Variants in PIEZO1 observed in about 807,000 individuals in gnomAD.
PIEZO1 encodes the protein piezo-type mechanosensitive ion channel component 1.
Under a neutral mutation model 297.2 loss-of-function variants are expected in PIEZO1, and 296 were observed. The observed-to-expected ratio is 1.00, with a 90% CI of 0.91 to 1.10. PIEZO1 has a LOEUF of 1.10. PIEZO1 is among the 50% of genes least tolerant of loss of function. The pLI is 0.00. For synonymous variants in PIEZO1, 2,427 were observed against 1,507.5 expected (o/e 1.61, Z -14.13); for missense variants, 5,018 against 3,455.5 (o/e 1.45, Z -11.34).
At chr16:88,753,941 G>A (rs1201358601) in intron 1 of PIEZO1, among the ~76,000 whole-genome samples, 6 of 152,224 alleles carry the variant, frequency 3.9e-5, no homozygotes, top group Admixed American at 3.9e-4. Flanking sequence ...GACAATCCAA[G>A]GAGCGGGGAC....
At position 88,725,648 on chromosome 16, in the gene PIEZO1, G is replaced by A; in HGVS notation, c.4005C>T (p.Ser1335=). The A allele has an allele frequency of 6.5e-7, 1 of 1,549,320 alleles. No individual in the cohort carries two copies. Among genetic ancestry groups the A allele is most frequent in the Non-Finnish European group, 8.7e-7 (1 of 1,145,806 alleles). ...CCTCTATCCTGCGGTGAAAGTCAAT[G>A]CTCTTGAGGTTGGCAGCGTTGTAGA... ...FALYNAANLK[S]IDFHRRIEEK... is the part of the protein sequence containing the mutation. Residue 1335 remains serine, a synonymous_variant, in exon 28 of 51, where the codon AGC becomes AGT. Coordinates refer to ENST00000301015, the MANE Select transcript of PIEZO1 (RefSeq NM_001142864.4).
chr16:88,717,148 T>C lies in PIEZO1; in HGVS notation c.6535A>G (p.Ile2179Val). The change falls in exon 45 of 51, where the codon ATC becomes GTC. Residue 2179 changes from isoleucine (I) to valine (V), a missense_variant. Ile to Val is a conservative substitution (Grantham distance 29). Transcript: ENST00000301015. ...ATGATGGCGATGAGGAAGAGGATGATGAGGCCACCCATGCCGTACTTGACG... is the reference window on the plus strand; with the variant it reads ...ATGATGGCGATGAGGAAGAGGATGACGAGGCCACCCATGCCGTACTTGACG... ...KIVKYGMGGL[I>V]ILFLIAIIWF... 6.4e-7 allele frequency: 1 copy of C among 1,551,314 alleles called. No individual in the cohort carries two copies. Among genetic ancestry groups the C allele is most frequent in the African/African-American group, 1.4e-5 (1 of 73,178 alleles).
rs1165274712 is a variant in PIEZO1 at position 88,737,569 on chromosome 16, C to G, written c.1185G>C (p.Leu395=). 6.5e-7 allele frequency: 1 copy of G among 1,533,370 alleles called. No individual in the cohort carries two copies. Among genetic ancestry groups the G allele is most frequent in the South Asian group, 1.2e-5 (1 of 83,982 alleles). The allele number at this position is 1,533,370 out of a possible 1,614,324, so 95.0% of individuals were successfully genotyped here. ...GTGTGCGGTACTCACCAGGCCGCCGCAGGACGGAGCTCTGGCCGGTCAGCT... is the reference window on the plus strand; with the variant it reads ...GTGTGCGGTACTCACCAGGCCGCCGGAGGACGGAGCTCTGGCCGGTCAGCT... ...VHELTGQSSV[L]RRPVRPKRAE... The change falls in exon 10 of 51, where the codon CTG becomes CTC. Residue 395 remains leucine, a synonymous_variant. Coordinates refer to ENST00000301015, the MANE Select transcript of PIEZO1 (RefSeq NM_001142864.4).
chr16:88,757,058 A>G (rs1224470437), intron 1 of PIEZO1, among the ~76,000 whole-genome samples: 1 of 152,184 alleles, frequency 6.6e-6, no homozygotes, highest in African/African-American at 2.4e-5. Flanking sequence ...CCTGGGCGAC[A>G]GAGCGAGACT....
chr16:88,732,996 A>C, intron 19 of PIEZO1: 2 of 581,104 alleles, frequency 3.4e-6, no homozygotes, highest in South Asian at 4.3e-5. Flanking sequence ...GAGATGCCTG[A>C]CTGTCTCTCC....
In PIEZO1 at chr16:88,719,298, C is replaced by CT. The variant is rs1912260000; in HGVS notation, c.6471+275dup. On this transcript the variant is annotated intron_variant, in intron 44 of 50. Coordinates refer to ENST00000301015, the MANE Select transcript of PIEZO1 (RefSeq NM_001142864.4). The stretch of plus-strand genomic sequence containing the variant: ...TAAACAAGAATGCAGCAAACAGTGG[C>CT]TGTCCGGTCCTCCCTGCACCAGGCC... 1.1e-5 allele frequency: 5 copies of CT among 435,634 alleles called. No individual in the cohort carries two copies. The East Asian group carries it at 2.0e-4, about 17-fold the overall frequency. 27.0% of individuals were successfully genotyped at this position (435,634 alleles called of 1,614,324 possible).
At chr16:88,728,098 G>A (rs1442489918) in intron 22 of PIEZO1, among the ~76,000 whole-genome samples, 3 of 152,274 alleles carry the variant, frequency 2.0e-5, no homozygotes, top group Admixed American at 6.5e-5. Flanking sequence ...CCATGCGACA[G>A]CCTAGACAGA....
rs1466413727 is a variant in PIEZO1 at position 88,719,676 on chromosome 16, G to C, written c.6369C>G (p.Asp2123Glu). 1 of 1,553,330 alleles carries C rather than the reference G, an allele frequency of 6.4e-7. No homozygotes were observed. Residue 2123 changes from aspartate (D) to glutamate (E), a missense_variant, in exon 44 of 51, where the codon GAC (aspartate) becomes GAG (glutamate). Transcript: ENST00000301015. ...ACAGCGTGGTGTCCGTCCACACCCA[G>C]TCCATCACTGCCCGCAGCTCCACCA... Reference protein sequence around the residue: ...PFLVELRAVMDWVWTDTTLSL... With the variant: ...PFLVELRAVMEWVWTDTTLSL...
chr16:88,736,677 T>C lies in PIEZO1; in HGVS notation c.1258A>G (p.Met420Val). The change falls in exon 11 of 51, where the codon ATG (methionine) becomes GTG (valine). Residue 420 changes from methionine (M) to valine (V), a missense_variant. Coordinates refer to ENST00000301015, the MANE Select transcript of PIEZO1 (RefSeq NM_001142864.4). ...AGCGCGCACACATAGCTCTGGTCCATGATGAGGTGGCCCAGGCTGTGGAGC... is the reference window on the plus strand; with the variant it reads ...AGCGCGCACACATAGCTCTGGTCCACGATGAGGTGGCCCAGGCTGTGGAGC... ...SPLHSLGHLI[M>V]DQSYVCALIA... 2.6e-6 allele frequency: 4 copies of C among 1,532,628 alleles called. No individual in the cohort carries two copies. The highest frequency in any genetic ancestry group is 3.5e-6 in the Non-Finnish European group (4 of 1,145,644). The allele number at this position is 1,532,628 out of a possible 1,614,324, so 94.9% of individuals were successfully genotyped here.
At chr16:88,777,480 G>A (rs187704653) in intron 1 of PIEZO1, among the ~76,000 whole-genome samples, 1,685 of 150,908 alleles carry the variant, frequency 0.011, 17 homozygotes, top group South Asian at 0.032. Context: ...GACACATTGC[G>A]GGGTCCTCAT....
Position 88,716,709 on chromosome 16 carries a change from T to G in PIEZO1, c.6776A>C (p.Gln2259Pro), listed in dbSNP as rs976731343. ...CGTGACGATGTCCTCAGGGCTGTAC[T>G]GGCTGATGAACTGCATGGCCAGCTG... ...PQPLAMQFIS[Q>P]YSPEDIVTAQ... The change falls in exon 47 of 51, where the codon CAG (glutamine) becomes CCG (proline). Residue 2259 changes from glutamine to proline, a missense_variant. Coordinates refer to ENST00000301015, the MANE Select transcript of PIEZO1 (RefSeq NM_001142864.4). 1 of 1,548,364 alleles carries G rather than the reference T, an allele frequency of 6.5e-7. No individual in the cohort carries two copies. Among genetic ancestry groups the G allele is most frequent in the African/African-American group, 1.4e-5 (1 of 73,062 alleles).
Position 88,735,117 on chromosome 16 carries a change from C to G in PIEZO1, c.1669+18G>C, listed in dbSNP as rs1303458323. The G allele has an allele frequency of 2.6e-6, 4 of 1,549,684 alleles. No homozygotes were observed. Among genetic ancestry groups the G allele is most frequent in the Non-Finnish European group, 3.5e-6 (4 of 1,146,454 alleles). On this transcript the variant is annotated intron_variant, in intron 13 of 50. Transcript: ENST00000301015. ...GGGCAGGCAGGAGGGCAACCCCCGC[C>G]TCTGGCCCACCACTCACCTGTGTCT...
Position 88,715,928 on chromosome 16 carries a change from C to G in PIEZO1, c.7316+5G>C. Reference sequence around the variant, plus strand: ...TGCGGGGTGCCCCCCCAGCCACTCACTCACCCGTAGCCAGCCAGGAAGCCG... The same window carrying G: ...TGCGGGGTGCCCCCCCAGCCACTCAGTCACCCGTAGCCAGCCAGGAAGCCG... On this transcript the variant is annotated splice_donor_5th_base_variant and intron_variant, in intron 50 of 50. Coordinates refer to ENST00000301015, the MANE Select transcript of PIEZO1 (RefSeq NM_001142864.4). 6.5e-7 allele frequency: 1 copy of G among 1,548,304 alleles called. No individual in the cohort carries two copies. The highest frequency in any genetic ancestry group is 8.7e-7 in the Non-Finnish European group (1 of 1,145,446).
chr16:88,749,952 C>T (rs937993718), intron 1 of PIEZO1, among the ~76,000 whole-genome samples: 16 of 151,640 alleles, frequency 1.1e-4, no homozygotes, highest in African/African-American at 3.6e-4. Context: ...TGCTTGAAAC[C>T]GGGAGGCGGA....
At chr16:88,773,871 G>C in intron 1 of PIEZO1, among the ~76,000 whole-genome samples, 1 of 152,128 alleles carries the variant, frequency 6.6e-6, no homozygotes, top group East Asian at 1.9e-4. Context: ...ACCGGAGCTT[G>C]CTCTGGGCAC....
intron 27 of PIEZO1, 161 bp from the exon 28 acceptor site, chr16:88,725,845 C>G: frequency 1.6e-6 from 1 of 615,132 alleles, no homozygotes; most frequent in Non-Finnish European, 3.0e-6. Context: ...CCCCACCCTC[C>G]GTGCTGTCTG....
chr16:88,759,954 G>A (rs1020973299), intron 1 of PIEZO1, among the ~76,000 whole-genome samples: 1 of 152,112 alleles, frequency 6.6e-6, no homozygotes, highest in Non-Finnish European at 1.5e-5. Context: ...ACCTTCACCA[G>A]CCACCCTGGC....
rs771003119 is a variant in PIEZO1, at chr16:88,726,354, G to A, written c.3898C>T (p.Arg1300Cys). The A allele has an allele frequency of 3.1e-5, 48 of 1,550,272 alleles. No homozygotes were observed. The highest frequency in any genetic ancestry group is 1.7e-4 in the Middle Eastern group (1 of 6,006). Reference sequence around the variant, plus strand: ...AGGTAGTAATGGCTAAGGAAGACGCGGCGCTGCAGCAGCAGGAAGAAGAAG... The same window carrying A: ...AGGTAGTAATGGCTAAGGAAGACGCAGCGCTGCAGCAGCAGGAAGAAGAAG... ...VCFFFLLLQR[R>C]VFLSHYYLHV... Residue 1300 changes from arginine (R) to cysteine (C), a missense_variant, in exon 27 of 51, where the codon CGC becomes TGC. Coordinates refer to ENST00000301015, the MANE Select transcript of PIEZO1 (RefSeq NM_001142864.4).
intron 1 of PIEZO1, among the ~76,000 whole-genome samples, chr16:88,774,813 C>T (rs914949207): frequency 4.6e-5 from 7 of 152,202 alleles, no homozygotes; most frequent in South Asian, 4.1e-4. Flanking sequence ...CAGGAGCGAA[C>T]GGTGCCCACA....
Sources: allele counts gnomAD v4.1 joint callset (sites outside exome capture counted in the v4.1 genomes callset), GRCh38; gene constraint gnomAD v4.1.1; transcripts MANE v1.5; gene names NCBI Gene and HGNC (gene_info 2026-07-23, HGNC 2026-07-21).